The following CNTN4 variants were observed in gnomAD, a reference collection of about 807,000 sequenced individuals.
CNTN4 encodes the protein contactin 4, also known as contactin-4.
In CNTN4, 77 loss-of-function variants were observed where a neutral mutation model predicts 122.5. That is an observed-to-expected ratio of 0.63 (90% confidence interval 0.52 to 0.76). CNTN4 has a LOEUF of 0.76. Among genes scored for constraint, CNTN4 ranks in the 30% least tolerant of loss-of-function variants. CNTN4 has a pLI of 0.00. For missense variants in CNTN4, 1,256 were observed against 1,259.1 expected (o/e 1.00, Z 0.04); for synonymous variants, 512 against 447.0 (o/e 1.15, Z -1.83).
chr3:2,201,737 CA>C (rs1275823591), intron 2 of CNTN4, among the ~76,000 whole-genome samples: 1 of 151,678 alleles, frequency 6.6e-6, no homozygotes, highest in Non-Finnish European at 1.5e-5. Context: ...GCGCTGCTGG[CA>C]AAAAAGGATA....
intron 2 of CNTN4, among the ~76,000 whole-genome samples, chr3:2,120,386 T>TATATAAATAA (rs2033666665): frequency 3.6e-5 from 1 of 27,676 alleles, no homozygotes; most frequent in African/African-American, 9.5e-5. Flanking sequence ...TATATATATA[T>TATATAAATAA]ATATATATAT....
Position 2,631,865 on chromosome 3 carries a change from C to CAAA in CNTN4, c.55+60318_55+60320dup, listed in dbSNP as rs1157671569. 3.6e-3 allele frequency among the ~76,000 whole-genome samples: 253 copies of CAAA among 70,128 alleles called. 4 individuals carry two copies. The highest frequency in any genetic ancestry group is 0.011 in the African/African-American group (205 of 18,728). 46.0% of individuals were successfully genotyped at this position (70,128 alleles called of 152,430 possible). On this transcript the variant is annotated intron_variant, in intron 4 of 24. Transcript: ENST00000418658. ...GCAACATAGGGAGACCGTATCTCTACAAAAAAAAAAAAACAAAAAAAAACA... is the reference window on the plus strand; with the variant it reads ...GCAACATAGGGAGACCGTATCTCTACAAAAAAAAAAAAAAAACAAAAAAAAACA...
rs532745773 is a variant in CNTN4 at position 3,039,724 on chromosome 3, G to C, written c.2164-313G>C. 1.3e-5 allele frequency: 5 copies of C among 375,080 alleles called. No individual in the cohort carries two copies. The East Asian group carries it at 2.5e-4, about 19-fold the overall frequency. 23.2% of individuals were successfully genotyped at this position (375,080 alleles called of 1,614,324 possible). A position where few individuals can be genotyped will look rare whatever the true frequency, so the allele number is the denominator to read the frequency against. ...ATTAGAGGATACGTGTTGGAAATGT[G>C]GTTTTTCAGGAGACCGATGTCCAGT... On this transcript the variant is annotated intron_variant, in intron 19 of 24. Transcript: ENST00000418658.
rs1289081921 is a variant in CNTN4 at position 2,781,856 on chromosome 3, C to T, written c.358+36159C>T. Among the ~76,000 whole-genome samples the T allele has an allele frequency of 7.6e-4, 93 of 123,002 alleles. 14 individuals are homozygous for T. The highest frequency in any genetic ancestry group is 3.7e-3 in the African/African-American group (90 of 24,288). The allele number at this position is 123,002 out of a possible 152,430, so 80.7% of individuals were successfully genotyped here. On this transcript the variant is annotated intron_variant, in intron 6 of 24. Transcript: ENST00000418658. ...TCTCCTGCCTCAGCCTCCCGAGTAG[C>T]TGGGACTGCAGGCGCCCGCACCACG...
chr3:2,938,905 T>C (rs1349677244), intron 13 of CNTN4, among the ~76,000 whole-genome samples: 1 of 152,164 alleles, frequency 6.6e-6, no homozygotes, highest in Non-Finnish European at 1.5e-5. Context: ...AAGTGGCATG[T>C]CATTAAGAGC....
intron 3 of CNTN4, among the ~76,000 whole-genome samples, chr3:2,488,249 TAAC>T (rs1377324294): frequency 6.6e-6 from 1 of 152,212 alleles, no homozygotes; most frequent in African/African-American, 2.4e-5. Flanking sequence ...AGTCCTCAAA[TAAC>T]ATCCTTTTGC....
intron 6 of CNTN4, among the ~76,000 whole-genome samples, chr3:2,810,485 C>T (rs2092578797): frequency 6.6e-6 from 1 of 152,050 alleles, no homozygotes; most frequent in Non-Finnish European, 1.5e-5. Flanking sequence ...GAATAACCTC[C>T]AATTTTGCTA....
At chr3:2,721,600 TGAGAGA>T (rs139025499) in intron 4 of CNTN4, among the ~76,000 whole-genome samples, 2 of 151,908 alleles carry the variant, frequency 1.3e-5, no homozygotes, top group Admixed American at 6.6e-5. Flanking sequence ...TATGTGTGTG[TGAGAGA>T]GAGAGAGAAT....
intron 3 of CNTN4, among the ~76,000 whole-genome samples, chr3:2,513,579 T>C (rs1331660617): frequency 6.6e-6 from 1 of 152,194 alleles, no homozygotes; most frequent in African/African-American, 2.4e-5. Context: ...CTTCCCAATG[T>C]AGTTAAATTT....
Position 2,282,353 on chromosome 3 carries a change from T to G in CNTN4, c.-144-56825T>G, listed in dbSNP as rs922220561. On this transcript the variant is annotated intron_variant, in intron 2 of 24. Transcript: ENST00000418658. ...TTAAAATAAGCATATATAAATGACC[T>G]TTAATGTATACAGCATGCATTTTTT... 2.0e-5 allele frequency among the ~76,000 whole-genome samples: 3 copies of G among 152,226 alleles called. No individual in the cohort carries two copies. The East Asian group carries it at 5.8e-4, about 29-fold the overall frequency.
chr3:2,269,817 A>G (rs879658512), intron 2 of CNTN4, among the ~76,000 whole-genome samples: 33 of 152,174 alleles, frequency 2.2e-4, no homozygotes, highest in Non-Finnish European at 3.8e-4. Flanking sequence ...ACTTTTGTAG[A>G]TGGAAAGATA....
At chr3:2,820,750 G>T (rs1160007593) in intron 7 of CNTN4, among the ~76,000 whole-genome samples, 2 of 151,540 alleles carry the variant, frequency 1.3e-5, no homozygotes, top group Admixed American at 1.3e-4. Context: ...AAGGGTTTTG[G>T]GATGCAGACC....
chr3:2,543,430 G>A (rs1426622232), intron 3 of CNTN4, among the ~76,000 whole-genome samples: 1 of 152,034 alleles, frequency 6.6e-6, no homozygotes, highest in Non-Finnish European at 1.5e-5. Context: ...CTTAGTGCTT[G>A]TTCCACTTAG....
chr3:2,117,513 C>G (rs1374311528), intron 2 of CNTN4, among the ~76,000 whole-genome samples: 2 of 152,194 alleles, frequency 1.3e-5, no homozygotes, highest in African/African-American at 4.8e-5. Context: ...CTCAGTCCCT[C>G]TTTCCTTCCA....
At chr3:2,630,701 AGT>A (rs10689131) in intron 4 of CNTN4, among the ~76,000 whole-genome samples, 10,271 of 136,952 alleles carry the variant, frequency 0.075, 359 homozygotes, top group Admixed American at 0.14. Flanking sequence ...TTATTAAGGG[AGT>A]GTGTGTGTGT....
At chr3:2,585,536 G>C in intron 4 of CNTN4, among the ~76,000 whole-genome samples, 1 of 152,104 alleles carries the variant, frequency 6.6e-6, no homozygotes, top group Non-Finnish European at 1.5e-5. Context: ...CATGTCCTTT[G>C]TAGGGACATG....
At chr3:2,775,452 G>A (rs182675023) in intron 6 of CNTN4, among the ~76,000 whole-genome samples, 108 of 152,104 alleles carry the variant, frequency 7.1e-4, no homozygotes, top group African/African-American at 2.5e-3. Context: ...TTTTCTTTGA[G>A]ACAGAGTCTC....
chr3:2,206,276 C>T (rs1405272149), intron 2 of CNTN4, among the ~76,000 whole-genome samples: 1 of 152,094 alleles, frequency 6.6e-6, no homozygotes, highest in Non-Finnish European at 1.5e-5. Flanking sequence ...AGAGCTCACT[C>T]ATCATGTCTA....
chr3:2,344,234 A>G (rs2044313255), intron 3 of CNTN4, among the ~76,000 whole-genome samples: 1 of 152,020 alleles, frequency 6.6e-6, no homozygotes, highest in African/African-American at 2.4e-5. Context: ...TGCCTTCCTG[A>G]GAGTCCTGTC....
Sources: allele counts gnomAD v4.1 joint callset (sites outside exome capture counted in the v4.1 genomes callset), GRCh38; gene constraint gnomAD v4.1.1; transcripts MANE v1.5; gene names NCBI Gene and HGNC (gene_info 2026-07-23, HGNC 2026-07-21).